Variants in PCSK5 observed in about 807,000 individuals in gnomAD.
The protein encoded by PCSK5 is proprotein convertase subtilisin/kexin type 5.
In PCSK5, 129 loss-of-function variants were observed where a neutral mutation model predicts 233.2. The ratio of observed to expected loss-of-function variants is 0.55; its 90% confidence interval spans 0.48 to 0.64. The LOEUF (loss-of-function observed/expected upper bound fraction) is 0.64. PCSK5 is among the 30% of genes least tolerant of loss of function. PCSK5 has a pLI of 0.00. For missense variants in PCSK5, 2,076 were observed against 2,430.1 expected, an observed-to-expected ratio of 0.85 and a Z score of 3.06; for synonymous variants, 825 against 879.2, an observed-to-expected ratio of 0.94 and a Z score of 1.09.
chr9:76,149,372 CT>C (rs1823573993), intron 10 of PCSK5, among the ~76,000 whole-genome samples: 1 of 152,176 alleles, frequency 6.6e-6, no homozygotes, highest in African/African-American at 2.4e-5. Flanking sequence ...CTATTAACCA[CT>C]GAGTAAACAG....
chr9:76,346,953 A>G (rs1391903166), intron 35 of PCSK5, among the ~76,000 whole-genome samples: 1 of 152,220 alleles, frequency 6.6e-6, no homozygotes, highest in South Asian at 2.1e-4. Context: ...GAGCAGGAAA[A>G]CATAGCATAC....
At chr9:76,174,340 C>G (rs1246052874) in intron 13 of PCSK5, among the ~76,000 whole-genome samples, 1 of 151,148 alleles carries the variant, frequency 6.6e-6, no homozygotes, top group Non-Finnish European at 1.5e-5. Flanking sequence ...GGAGTGTTGC[C>G]CTGTTGCCCA....
At chr9:76,193,156 A>AATCACAACCTTCTTCC in intron 20 of PCSK5, 1 of 1,275,362 alleles carries the variant, frequency 7.8e-7, no homozygotes, top group African/African-American at 1.5e-5. Context: ...CTCTCTGGCC[A>AATCACAACCTTCTTCC]ATCACAACCT....
At chr9:76,091,778 G>A (rs752018794) in intron 7 of PCSK5, among the ~76,000 whole-genome samples, 5 of 152,162 alleles carry the variant, frequency 3.3e-5, no homozygotes, top group Non-Finnish European at 5.9e-5. Context: ...TCTGTCACCA[G>A]CTCCAGTGAC....
At chr9:76,349,370 C>A (rs1196510835) in intron 35 of PCSK5, among the ~76,000 whole-genome samples, 1 of 151,496 alleles carries the variant, frequency 6.6e-6, no homozygotes, top group African/African-American at 2.4e-5. Context: ...CATCAGAGAC[C>A]ACAATAACGT....
intron 28 of PCSK5, among the ~76,000 whole-genome samples, chr9:76,303,600 CTTA>C (rs1277320100): frequency 6.6e-6 from 1 of 152,128 alleles, no homozygotes; most frequent in African/African-American, 2.4e-5. Context: ...ATATTGTTGC[CTTA>C]TTATTCTTTG....
At chr9:75,939,688 T>A (rs1824213399) in intron 2 of PCSK5, among the ~76,000 whole-genome samples, 1 of 152,222 alleles carries the variant, frequency 6.6e-6, no homozygotes, top group South Asian at 2.1e-4. Context: ...AACCATAAAC[T>A]GCCATTAAGT....
intron 22 of PCSK5, 110 bp downstream of exon 22, chr9:76,233,706 C>A: frequency 1.0e-6 from 1 of 966,008 alleles, no homozygotes; most frequent in East Asian, 2.4e-5. Flanking sequence ...GGGTTAAGAT[C>A]AGACAGCTGT....
rs375048060 is a variant in PCSK5 at position 76,315,628 on chromosome 9, T to C, written c.3884+4777T>C. Among the ~76,000 whole-genome samples the C allele has an allele frequency of 6.0e-5, 9 of 150,826 alleles. No homozygotes were observed. The South Asian group carries it at 1.0e-3, about 18-fold the overall frequency. ...GAGAACCAACTCCCAGGCAGATCTG[T>C]GTGGAGAAGACTACTTTTTTTTTTT... On this transcript the variant is annotated intron_variant, in intron 30 of 37. Transcript: ENST00000674117.
chr9:76,138,997 T>A (rs1823091216), intron 10 of PCSK5, among the ~76,000 whole-genome samples: 1 of 151,958 alleles, frequency 6.6e-6, no homozygotes, highest in South Asian at 2.1e-4. Flanking sequence ...TCTAACTGAT[T>A]ACCAACCGTG....
chr9:75,914,828 GTAGGTATA>G (rs1263100594), intron 1 of PCSK5, among the ~76,000 whole-genome samples: 1 of 152,166 alleles, frequency 6.6e-6, no homozygotes, highest in Non-Finnish European at 1.5e-5. Flanking sequence ...GTTAGCATGT[GTAGGTATA>G]TGGCATATAA....
intron 2 of PCSK5, among the ~76,000 whole-genome samples, chr9:75,965,285 GTGTGTGGAGA>G (rs757550025): frequency 1.4e-5 from 2 of 143,654 alleles, no homozygotes; most frequent in Non-Finnish European, 1.5e-5. Context: ...GTGTGTGTGT[GTGTGTGGAGA>G]GAGAGAGAGA....
intron 8 of PCSK5, 124 bp downstream of exon 8, chr9:76,096,226 A>C: frequency 3.1e-6 from 2 of 647,726 alleles, no homozygotes; most frequent in South Asian, 4.0e-5. Flanking sequence ...GAAGTAATAT[A>C]TGGAAATAGG....
intron 5 of PCSK5, among the ~76,000 whole-genome samples, chr9:76,039,334 C>T (rs1248166075): frequency 2.0e-5 from 3 of 152,144 alleles, no homozygotes; most frequent in East Asian, 1.9e-4. Context: ...CTTTTCCCCC[C>T]TTGTCTTTGG....
intron 8 of PCSK5, among the ~76,000 whole-genome samples, chr9:76,101,006 A>G (rs929130280): frequency 6.6e-6 from 1 of 152,090 alleles, no homozygotes; most frequent in African/African-American, 2.4e-5. Context: ...GATTTTCTTC[A>G]TCACCTTTTC....
At chr9:76,046,274 T>C (rs1829388850) in intron 5 of PCSK5, among the ~76,000 whole-genome samples, 1 of 139,076 alleles carries the variant, frequency 7.2e-6, no homozygotes, top group Non-Finnish European at 1.5e-5. Flanking sequence ...GCCTCCCGGG[T>C]TCAAGCGATT....
intron 24 of PCSK5, among the ~76,000 whole-genome samples, chr9:76,276,267 T>C (rs1827685626): frequency 6.6e-6 from 1 of 152,190 alleles, no homozygotes; most frequent in Non-Finnish European, 1.5e-5. Context: ...CTTGAGTGTG[T>C]TACATAGAAT....
In PCSK5 at chr9:75,902,152, G is replaced by T. The variant is rs1340607484; in HGVS notation, c.192+10779G>T. Among the ~76,000 whole-genome samples the T allele has an allele frequency of 2.1e-5, 3 of 143,644 alleles. No homozygotes were observed. The East Asian group carries it at 6.2e-4, about 30-fold the overall frequency. 94.2% of individuals were successfully genotyped at this position (143,644 alleles called of 152,430 possible). ...AATCGCTTGAACCCAGGAGGTGGAG[G>T]TTGCAGTGAGCCAAGATCGCGCCAC... On this transcript the variant is annotated intron_variant, in intron 1 of 37. Transcript: ENST00000674117.
chr9:76,237,525 T>C (rs565380649), intron 22 of PCSK5, among the ~76,000 whole-genome samples: 3 of 151,698 alleles, frequency 2.0e-5, no homozygotes, highest in Admixed American at 6.6e-5. Flanking sequence ...CCCAGAACTT[T>C]GGGAGGCCAA....
Sources: gnomAD v4.1 joint callset for allele counts (sites outside exome capture counted in the v4.1 genomes callset) on GRCh38, gnomAD v4.1.1 for gene constraint, MANE v1.5 for transcripts, NCBI Gene and HGNC (gene_info 2026-07-23, HGNC 2026-07-21) for gene names.